FGGY: variants seen among roughly 807,000 people sequenced by gnomAD.
The protein encoded by FGGY is FGGY carbohydrate kinase domain-containing protein.
In FGGY, 72 loss-of-function variants were observed where a neutral mutation model predicts 71.3. The observed-to-expected ratio is 1.01, with a 90% CI of 0.84 to 1.23. The LOEUF is 1.23. Among genes scored for constraint, FGGY ranks in the 50% most tolerant of loss-of-function variants. The pLI is 0.00. For synonymous variants in FGGY, 251 were observed against 250.3 expected, an observed-to-expected ratio of 1.00 and a Z score of -0.02; for missense variants, 668 against 682.3, an observed-to-expected ratio of 0.98 and a Z score of 0.23.
chr1:59,729,834 G>A (rs1198108517), intron 14 of FGGY, among the ~76,000 whole-genome samples: 1 of 152,148 alleles, frequency 6.6e-6, no homozygotes. Flanking sequence ...CAGAAGGCTT[G>A]CAGGCACTAG....
Position 59,653,548 on chromosome 1 carries a change from G to A in FGGY, c.1222-6671G>A, listed in dbSNP as rs536428887. 3.3e-3 allele frequency among the ~76,000 whole-genome samples: 504 copies of A among 152,288 alleles called. 3 individuals carry two copies. The highest frequency in any genetic ancestry group is 0.011 in the African/African-American group (471 of 41,564). On this transcript the variant is annotated intron_variant, in intron 11 of 15. Coordinates refer to ENST00000303721, the MANE Select transcript of FGGY (RefSeq NM_018291.5). ...CGTCCGTCACCCCTTTCTTTGACTC[G>A]GAAAGGGAACTCCCTGACCCCTTGC...
intron 1 of FGGY, among the ~76,000 whole-genome samples, chr1:59,297,564 T>A (rs970205179): frequency 2.6e-5 from 4 of 152,232 alleles, no homozygotes; most frequent in Non-Finnish European, 4.4e-5. Flanking sequence ...GGCTCACGCC[T>A]GTAATCCCAG....
intron 5 of FGGY, among the ~76,000 whole-genome samples, chr1:59,438,503 G>A (rs2069012477): frequency 6.6e-6 from 1 of 152,154 alleles, no homozygotes; most frequent in Non-Finnish European, 1.5e-5. Flanking sequence ...AAAATTTTCA[G>A]AGTCCGATAC....
At chr1:59,592,568 A>T (rs1312188145) in intron 8 of FGGY, among the ~76,000 whole-genome samples, 1 of 152,230 alleles carries the variant, frequency 6.6e-6, no homozygotes, top group Non-Finnish European at 1.5e-5. Flanking sequence ...GGATTAAGAA[A>T]ATGTGGCACA....
intron 7 of FGGY, among the ~76,000 whole-genome samples, chr1:59,523,051 T>A (rs72666230): frequency 0.1 from 15,298 of 152,232 alleles, 1,596 homozygotes; most frequent in African/African-American, 0.26. Flanking sequence ...AGCTGAGCTG[T>A]TATTTTCCTT....
chr1:59,375,480 A>G (rs2058516012), intron 4 of FGGY, among the ~76,000 whole-genome samples: 1 of 152,174 alleles, frequency 6.6e-6, no homozygotes, highest in African/African-American at 2.4e-5. Flanking sequence ...CATACTTAAG[A>G]GTACCTCAGA....
intron 6 of FGGY, among the ~76,000 whole-genome samples, chr1:59,494,769 C>T (rs2093980639): frequency 6.6e-6 from 1 of 152,146 alleles, no homozygotes; most frequent in African/African-American, 2.4e-5. Flanking sequence ...GCATATTCCA[C>T]AGTGTACACT....
intron 3 of FGGY, 39 bp from the exon 4 acceptor site, chr1:59,346,208 A>AATGTG (rs751620248): frequency 1.2e-6 from 2 of 1,609,534 alleles, no homozygotes; most frequent in Non-Finnish European, 1.7e-6. Context: ...GAAGGAAGAG[A>AATGTG]ATGTGTGTCC....
chr1:59,672,817 AG>A (rs1185550363), intron 13 of FGGY, among the ~76,000 whole-genome samples: 17 of 152,322 alleles, frequency 1.1e-4, no homozygotes, highest in Admixed American at 1.0e-3. Flanking sequence ...ACCTCTGTAA[AG>A]TTTGCTGCCA....
chr1:59,427,714 G>C (rs1392894208), intron 5 of FGGY, among the ~76,000 whole-genome samples: 1 of 152,188 alleles, frequency 6.6e-6, no homozygotes, highest in Admixed American at 6.5e-5. Flanking sequence ...GCAGCCTTGA[G>C]GAAGAAGACA....
chr1:59,600,362 A>G (rs1413321675), intron 8 of FGGY, among the ~76,000 whole-genome samples: 2 of 152,214 alleles, frequency 1.3e-5, no homozygotes, highest in African/African-American at 4.8e-5. Flanking sequence ...AGAACAAGAC[A>G]TGTCGATTAG....
At chr1:59,453,403 G>T (rs17119470) in intron 5 of FGGY, among the ~76,000 whole-genome samples, 6,026 of 152,218 alleles carry the variant, frequency 0.04, 394 homozygotes, top group African/African-American at 0.14. Flanking sequence ...GAAGTGTTGA[G>T]TTTTTAAACT....
At chr1:59,347,018 CAGTT>C (rs1019084829) in intron 4 of FGGY, among the ~76,000 whole-genome samples, 2 of 143,374 alleles carry the variant, frequency 1.4e-5, no homozygotes, top group African/African-American at 5.3e-5. Context: ...AAGGAAAAAT[CAGTT>C]AGCAAAGAAG....
intron 1 of FGGY, among the ~76,000 whole-genome samples, chr1:59,308,022 T>A (rs1464069651): frequency 6.6e-6 from 1 of 152,176 alleles, no homozygotes; most frequent in Non-Finnish European, 1.5e-5. Context: ...AAAGGAAGAC[T>A]TCCTGTGTGC....
At chr1:59,652,056 T>C (rs2097168029) in intron 11 of FGGY, among the ~76,000 whole-genome samples, 2 of 151,544 alleles carry the variant, frequency 1.3e-5, no homozygotes, top group South Asian at 2.1e-4. Flanking sequence ...AAAATTCTTT[T>C]CTTTAAGAAT....
At chr1:59,485,289 C>A (rs1043846913) in intron 6 of FGGY, among the ~76,000 whole-genome samples, 1 of 152,194 alleles carries the variant, frequency 6.6e-6, no homozygotes, top group Non-Finnish European at 1.5e-5. Flanking sequence ...TCCCAGCTCC[C>A]TTTGCAGCTA....
chr1:59,417,213 A>G (rs932579909), intron 5 of FGGY, among the ~76,000 whole-genome samples: 2 of 152,118 alleles, frequency 1.3e-5, no homozygotes, highest in Non-Finnish European at 2.9e-5. Context: ...TTCACTTGGC[A>G]TAATTTTTTC....
rs753319507 is a variant in FGGY at position 59,378,777 on chromosome 1, C to T, written c.494C>T (p.Ala165Val). 14 of 1,613,218 alleles carry T rather than the reference C, an allele frequency of 8.7e-6. No homozygotes were observed. In the Admixed American group the frequency reaches 1.3e-4, roughly 15 times the overall value. Residue 165 changes from alanine (A) to valine (V), a missense_variant, in exon 5 of 16, where the codon GCG (alanine) becomes GTG (valine). Ala to Val is a moderately conservative substitution (Grantham distance 64, BLOSUM62 0). Coordinates refer to ENST00000303721, the MANE Select transcript of FGGY (RefSeq NM_018291.5). ...ENLREICWDKAGHFFDLPDFL... is the reference protein window; with the variant it reads ...ENLREICWDKVGHFFDLPDFL... The stretch of plus-strand genomic sequence containing the variant: ...TTGAGAGAGATTTGCTGGGATAAGG[C>T]GGGACATTTCTTTGATCTCCCGGAC...
intron 6 of FGGY, among the ~76,000 whole-genome samples, chr1:59,463,073 G>T (rs1416608024): frequency 1.3e-5 from 2 of 152,080 alleles, no homozygotes; most frequent in African/African-American, 4.8e-5. Context: ...GTCCATCAAT[G>T]ACAGACTGGA....
Sources: allele counts gnomAD v4.1 joint callset (sites outside exome capture counted in the v4.1 genomes callset), GRCh38; gene constraint gnomAD v4.1.1; transcripts MANE v1.5; gene names NCBI Gene and HGNC (gene_info 2026-07-23, HGNC 2026-07-21).